CLSTN2: variants seen among roughly 807,000 people sequenced by gnomAD.
CLSTN2 encodes calsyntenin 2, also known as calsyntenin-2.
Under a neutral mutation model 101.2 loss-of-function variants are expected in CLSTN2, and 48 were observed. The observed-to-expected ratio is 0.47, with a 90% CI of 0.38 to 0.60. The LOEUF is 0.60. CLSTN2 is among the 20% of genes least tolerant of loss of function. The probability of loss-of-function intolerance (pLI) is 0.00; values close to 1 mark genes in which losing one functional copy is unlikely to be tolerated. For synonymous variants in CLSTN2, 481 were observed against 463.6 expected, an observed-to-expected ratio of 1.04 and a Z score of -0.48; for missense variants, 1,160 against 1,238.2, an observed-to-expected ratio of 0.94 and a Z score of 0.95.
chr3:139,996,893 C>T (rs2006676106), intron 1 of CLSTN2, among the ~76,000 whole-genome samples: 1 of 151,572 alleles, frequency 6.6e-6, no homozygotes, highest in African/African-American at 2.4e-5. Context: ...ACTAAAAATA[C>T]AAAATTAGCC....
intron 1 of CLSTN2, among the ~76,000 whole-genome samples, chr3:140,091,616 T>C (rs2008781584): frequency 6.6e-6 from 1 of 152,220 alleles, no homozygotes; most frequent in Non-Finnish European, 1.5e-5. Flanking sequence ...ACTCAGGAAA[T>C]GAAAACATTT....
intron 1 of CLSTN2, among the ~76,000 whole-genome samples, chr3:140,122,017 G>A (rs1237448160): frequency 6.6e-6 from 1 of 152,150 alleles, no homozygotes; most frequent in Admixed American, 6.5e-5. Context: ...TAGGGGGAGT[G>A]AAAAAGTAAC....
chr3:140,211,590 G>T (rs1011847263), intron 2 of CLSTN2, among the ~76,000 whole-genome samples: 6 of 151,106 alleles, frequency 4.0e-5, no homozygotes, highest in East Asian at 2.0e-4. Flanking sequence ...ATATATTTGT[G>T]TGTACATAAA....
chr3:140,312,285 G>A (rs2087176717), intron 2 of CLSTN2, among the ~76,000 whole-genome samples: 1 of 152,242 alleles, frequency 6.6e-6, no homozygotes, highest in South Asian at 2.1e-4. Context: ...CTTTTGGCAT[G>A]TATGGATTCT....
chr3:139,990,096 G>A (rs1347338254), intron 1 of CLSTN2, among the ~76,000 whole-genome samples: 1 of 152,196 alleles, frequency 6.6e-6, no homozygotes, highest in Non-Finnish European at 1.5e-5. Flanking sequence ...AAGGCTGTGA[G>A]TCATTTTGGT....
At chr3:140,050,062 TC>T (rs1306508721) in intron 1 of CLSTN2, among the ~76,000 whole-genome samples, 4 of 152,208 alleles carry the variant, frequency 2.6e-5, no homozygotes, top group African/African-American at 9.6e-5. Flanking sequence ...GCAGTCCCTA[TC>T]TCAGAGTATC....
intron 1 of CLSTN2, among the ~76,000 whole-genome samples, chr3:140,056,190 A>G (rs2008093059): frequency 6.6e-6 from 1 of 152,166 alleles, no homozygotes; most frequent in South Asian, 2.1e-4. Flanking sequence ...GGCTAGAGGG[A>G]GCTCTCGTGG....
intron 5 of CLSTN2, among the ~76,000 whole-genome samples, chr3:140,429,573 T>A (rs1315071747): frequency 6.6e-6 from 1 of 152,008 alleles, no homozygotes; most frequent in Non-Finnish European, 1.5e-5. Context: ...TCATATATCA[T>A]CCTGAGGACA....
At chr3:140,208,892 G>T (rs2010818566) in intron 2 of CLSTN2, among the ~76,000 whole-genome samples, 1 of 152,124 alleles carries the variant, frequency 6.6e-6, no homozygotes, top group Non-Finnish European at 1.5e-5. Flanking sequence ...CTGACACATA[G>T]GAAGAGCTCA....
At chr3:140,338,572 C>G (rs528715712) in intron 2 of CLSTN2, among the ~76,000 whole-genome samples, 8 of 152,276 alleles carry the variant, frequency 5.3e-5, no homozygotes, top group South Asian at 2.1e-4. Context: ...AGTCCCCCCC[C>G]GGCCTCAGTA....
At chr3:140,368,837 G>A (rs2087821115) in intron 2 of CLSTN2, among the ~76,000 whole-genome samples, 1 of 152,164 alleles carries the variant, frequency 6.6e-6, no homozygotes, top group South Asian at 2.1e-4. Flanking sequence ...AGCACCCACA[G>A]CATACTATTC....
Position 140,558,873 on chromosome 3 carries a change from A to G in CLSTN2, c.2041+16A>G. The G allele has an allele frequency of 6.2e-7, 1 of 1,608,532 alleles. No homozygotes were observed. Among genetic ancestry groups the G allele is most frequent in the African/African-American group, 1.3e-5 (1 of 74,832 alleles). ...AAAACCACAGGTACAGGTGCATTTG[A>G]GTTTGTGGGGAGGGTGGACCTTAAT... On this transcript the variant is annotated intron_variant, in intron 12 of 16. Coordinates refer to ENST00000458420, the MANE Select transcript of CLSTN2 (RefSeq NM_022131.3).
At chr3:140,257,565 T>G (rs1255594716) in intron 2 of CLSTN2, among the ~76,000 whole-genome samples, 12 of 108,134 alleles carry the variant, frequency 1.1e-4, no homozygotes, top group African/African-American at 6.5e-4. Flanking sequence ...TCTAGGGGTG[T>G]GTGTGTGTGT....
chr3:139,995,440 T>C (rs951914392), intron 1 of CLSTN2, among the ~76,000 whole-genome samples: 1 of 152,242 alleles, frequency 6.6e-6, no homozygotes, highest in African/African-American at 2.4e-5. Context: ...GGGAGCCACA[T>C]GGCAGTTTCA....
intron 1 of CLSTN2, among the ~76,000 whole-genome samples, chr3:140,006,150 A>C (rs557011308): frequency 6.6e-6 from 1 of 152,338 alleles, no homozygotes; most frequent in African/African-American, 2.4e-5. Context: ...TGGAGTTTCC[A>C]TGGGTCCCAC....
intron 2 of CLSTN2, among the ~76,000 whole-genome samples, chr3:140,398,436 T>C (rs1576548005): frequency 2.0e-5 from 3 of 152,312 alleles, no homozygotes; most frequent in South Asian, 2.1e-4. Flanking sequence ...TTACTCCCCA[T>C]TGCTTTTATG....
chr3:140,154,317 T>C (rs1304122239), intron 1 of CLSTN2, among the ~76,000 whole-genome samples: 1 of 152,034 alleles, frequency 6.6e-6, no homozygotes, highest in East Asian at 1.9e-4. Context: ...AAGGAAGGCC[T>C]GAGCTTGGTG....
In CLSTN2 at chr3:139,935,370, C is replaced by A. The variant is rs1314830095; in HGVS notation, c.-5C>A. The A allele has an allele frequency of 1.6e-6, 2 of 1,225,710 alleles. No homozygotes were observed. The highest frequency in any genetic ancestry group is 2.0e-6 in the Non-Finnish European group (2 of 983,072). 75.9% of individuals were successfully genotyped at this position (1,225,710 alleles called of 1,614,324 possible). A position where few individuals can be genotyped will look rare whatever the true frequency, so the allele number is the denominator to read the frequency against. Reference sequence around the variant, plus strand: ...GGCTGCAGCTCGTTGGCGGCTGCTGCGAGGATGCTGCCTGGGCGGCTGTGC... The same window carrying A: ...GGCTGCAGCTCGTTGGCGGCTGCTGAGAGGATGCTGCCTGGGCGGCTGTGC... On this transcript the variant is annotated 5_prime_UTR_variant, in exon 1 of 17. Coordinates refer to ENST00000458420, the MANE Select transcript of CLSTN2 (RefSeq NM_022131.3). The surrounding 1 kb of genome is among the most constrained non-coding windows in gnomAD (Gnocchi z 5.5).
intron 1 of CLSTN2, among the ~76,000 whole-genome samples, chr3:140,081,821 A>C (rs1031031469): frequency 7.2e-5 from 11 of 152,234 alleles, no homozygotes; most frequent in African/African-American, 2.7e-4. Flanking sequence ...GGGTTCAGCT[A>C]TCCAGCTCTG....
Sources: allele counts gnomAD v4.1 joint callset (sites outside exome capture counted in the v4.1 genomes callset), GRCh38; gene constraint gnomAD v4.1.1; non-coding constraint Gnocchi (gnomAD v3.1); transcripts MANE v1.5; gene names NCBI Gene and HGNC (gene_info 2026-07-23, HGNC 2026-07-21).